KNTC1: variants seen among roughly 807,000 people sequenced by gnomAD.
The protein encoded by KNTC1 is kinetochore associated 1.
In KNTC1, 253 loss-of-function variants were observed where a neutral mutation model predicts 314.4. The observed-to-expected ratio is 0.80, with a 90% CI of 0.73 to 0.89. KNTC1 has a LOEUF of 0.89. Among genes scored for constraint, KNTC1 ranks in the 40% least tolerant of loss-of-function variants. The pLI is 0.00. For missense variants in KNTC1, 2,475 were observed against 2,572.9 expected (o/e 0.96, Z 0.82); for synonymous variants, 901 against 901.4 (o/e 1.00, Z 0.01).
At chr12:122,604,292 A>G (rs556845941) in intron 48 of KNTC1, among the ~76,000 whole-genome samples, 44 of 149,712 alleles carry the variant, frequency 2.9e-4, no homozygotes, top group East Asian at 1.4e-3. Flanking sequence ...GACTACAGGC[A>G]TGTGCCACCA....
At position 122,569,730 on chromosome 12, in the gene KNTC1, A is replaced by C; in HGVS notation, c.1766A>C (p.Asn589Thr). Residue 589 changes from asparagine to threonine, a missense_variant, in exon 22 of 64, where the codon AAC becomes ACC. Coordinates refer to ENST00000333479, the MANE Select transcript of KNTC1 (RefSeq NM_014708.6). The part of the protein sequence containing the change: ...FDVKMLESLL[N>T]SMSASVSLQK... ...GTGAAAATGCTGGAGAGCTTGCTCA[A>C]CTCAATGTCTGCATCAGTCTCTTTG... 1 of 1,613,734 alleles carries C rather than the reference A, an allele frequency of 6.2e-7. No homozygotes were observed. Among genetic ancestry groups the C allele is most frequent in the Non-Finnish European group, 8.5e-7 (1 of 1,179,714 alleles).
chr12:122,570,925 C>G lies in KNTC1; in HGVS notation c.1910C>G (p.Thr637Ser), dbSNP rs1017151061. The change falls in exon 23 of 64, where the codon ACT becomes AGT. Residue 637 changes from threonine to serine, a missense_variant. By Grantham distance (58) the Thr-to-Ser change is moderately conservative. Coordinates refer to ENST00000333479, the MANE Select transcript of KNTC1 (RefSeq NM_014708.6). ...LEQAARNLELTDKANWPENGL... is the reference protein window; with the variant it reads ...LEQAARNLELSDKANWPENGL... The stretch of plus-strand genomic sequence containing the variant: ...CAAGCAGCCAGGAACCTTGAATTAA[C>G]TGATAAGGTAATACTGATTTAATTA... 23 of 1,572,098 alleles carry G rather than the reference C, an allele frequency of 1.5e-5. No homozygotes were observed. The highest frequency in any genetic ancestry group is 2.0e-5 in the Non-Finnish European group (23 of 1,154,804).
intron 28 of KNTC1, 56 bp downstream of exon 28, chr12:122,575,702 T>G: frequency 2.0e-6 from 3 of 1,477,662 alleles, no homozygotes; most frequent in Non-Finnish European, 2.8e-6. Context: ...CATTGTGTTT[T>G]GAGTTGACGT....
intron 41 of KNTC1, 56 bp from the exon 42 acceptor site, chr12:122,591,281 G>A: frequency 1.1e-6 from 1 of 879,892 alleles, no homozygotes; most frequent in South Asian, 1.3e-5. Flanking sequence ...TCTAAAAGGT[G>A]TTATAAGAAT....
intron 29 of KNTC1, among the ~76,000 whole-genome samples, chr12:122,576,391 A>C (rs1047622026): frequency 4.6e-5 from 7 of 152,090 alleles, no homozygotes; most frequent in Non-Finnish European, 1.0e-4. Flanking sequence ...TATTAAAGAC[A>C]CCAAATAGGC....
At chr12:122,625,275 C>A (rs374529535) in intron 63 of KNTC1, among the ~76,000 whole-genome samples, 3 of 151,948 alleles carry the variant, frequency 2.0e-5, no homozygotes, top group African/African-American at 7.2e-5. Flanking sequence ...TGGTGGCACA[C>A]GCCTGTAATC....
chr12:122,605,504 G>A (rs1566011021), intron 51 of KNTC1, 89 bp downstream of exon 51: 5 of 657,674 alleles, frequency 7.6e-6, no homozygotes. Flanking sequence ...ACATGATACA[G>A]CCTTCTAATT....
chr12:122,608,082 T>C (rs1273066398), intron 51 of KNTC1, among the ~76,000 whole-genome samples: 3 of 152,170 alleles, frequency 2.0e-5, no homozygotes, highest in South Asian at 2.1e-4. Flanking sequence ...CAAAATCTAT[T>C]TGTAAACAAA....
intron 61 of KNTC1, 73 bp downstream of exon 61, chr12:122,622,043 G>A: frequency 9.5e-7 from 1 of 1,057,246 alleles, no homozygotes; most frequent in Non-Finnish European, 1.4e-6. Context: ...CCCAAACCAA[G>A]AGTAAGCTGA....
At chr12:122,587,650 A>G in intron 38 of KNTC1, 61 bp from the exon 39 acceptor site, 4 of 1,383,178 alleles carry the variant, frequency 2.9e-6, no homozygotes, top group Non-Finnish European at 3.9e-6. Flanking sequence ...AACAGTTTTC[A>G]ATAATATGAT....
At chr12:122,616,350 C>T (rs1315732702) in intron 57 of KNTC1, among the ~76,000 whole-genome samples, 1 of 150,742 alleles carries the variant, frequency 6.6e-6, no homozygotes, top group Non-Finnish European at 1.5e-5. Flanking sequence ...GCAAGCTCCG[C>T]CTGCTGGGTT....
intron 16 of KNTC1, 45 bp from the exon 17 acceptor site, chr12:122,557,334 CAGGTA>C: frequency 6.4e-7 from 1 of 1,563,380 alleles, no homozygotes; most frequent in Non-Finnish European, 8.7e-7. Context: ...AAGCCATCCA[CAGGTA>C]TTATTGTACT....
chr12:122,618,065 G>A (rs1012083694), intron 57 of KNTC1, among the ~76,000 whole-genome samples: 4 of 152,110 alleles, frequency 2.6e-5, no homozygotes, highest in Non-Finnish European at 5.9e-5. Flanking sequence ...TCCGCCTCCC[G>A]GGTTCAAGCG....
intron 6 of KNTC1, 85 bp from the exon 7 acceptor site, chr12:122,543,515 A>T: frequency 9.9e-7 from 1 of 1,013,720 alleles, no homozygotes; most frequent in Non-Finnish European, 1.4e-6. Context: ...GATTGTATTT[A>T]ATTTCACCTT....
At chr12:122,535,730 C>T (rs544460886) in intron 3 of KNTC1, among the ~76,000 whole-genome samples, 86 of 151,252 alleles carry the variant, frequency 5.7e-4, no homozygotes, top group Non-Finnish European at 4.6e-4. Flanking sequence ...GCAGGAGAAT[C>T]GCTTGATCCC....
intron 53 of KNTC1, among the ~76,000 whole-genome samples, chr12:122,611,934 A>G (rs894847447): frequency 2.0e-5 from 3 of 150,126 alleles, no homozygotes; most frequent in African/African-American, 7.4e-5. Context: ...TTTTTTCTTG[A>G]GTATTTTTGA....
At chr12:122,529,871 T>G in intron 1 of KNTC1, 120 bp from the exon 2 acceptor site, 1 of 472,466 alleles carries the variant, frequency 2.1e-6, no homozygotes. Context: ...CCCGAAGTGT[T>G]TAGTGGCCAC....
chr12:122,537,823 A>G (rs1406752979), intron 3 of KNTC1, among the ~76,000 whole-genome samples: 1 of 152,136 alleles, frequency 6.6e-6, no homozygotes, highest in Non-Finnish European at 1.5e-5. Flanking sequence ...TTTACCATAT[A>G]GTAAGTGCTC....
intron 37 of KNTC1, 43 bp downstream of exon 37, chr12:122,585,817 T>TA (rs1219132406): frequency 1.3e-6 from 2 of 1,593,220 alleles, no homozygotes; most frequent in Non-Finnish European, 1.7e-6. Flanking sequence ...GTTTCTGTCT[T>TA]ATGTAAATTT....
Sources: allele counts gnomAD v4.1 joint callset (sites outside exome capture counted in the v4.1 genomes callset), GRCh38; gene constraint gnomAD v4.1.1; transcripts MANE v1.5; gene names NCBI Gene and HGNC (gene_info 2026-07-23, HGNC 2026-07-21).